Variants in METTL25 observed in about 807,000 individuals in gnomAD.
The protein encoded by METTL25 is probable methyltransferase-like protein 25.
Under a neutral mutation model 71.6 loss-of-function variants are expected in METTL25, and 64 were observed. The ratio of observed to expected loss-of-function variants is 0.89; its 90% CI spans 0.73 to 1.10. The LOEUF (loss-of-function observed/expected upper bound fraction) is 1.10, where lower values mean the gene tolerates loss of function less well. METTL25 is among the 50% of genes least tolerant of loss of function. METTL25 has a pLI of 0.00. For missense variants in METTL25, 807 were observed against 707.0 expected, an observed-to-expected ratio of 1.14 and a Z score of -1.60; for synonymous variants, 287 against 250.3, an observed-to-expected ratio of 1.15 and a Z score of -1.38.
intron 3 of METTL25, among the ~76,000 whole-genome samples, chr12:82,392,596 G>GT (rs1302681635): frequency 6.6e-6 from 1 of 151,952 alleles, no homozygotes; most frequent in Admixed American, 6.6e-5. Flanking sequence ...CACTCTGATT[G>GT]TTTACTTTGC....
intron 3 of METTL25, among the ~76,000 whole-genome samples, chr12:82,391,007 G>C (rs555373787): frequency 6.6e-6 from 1 of 152,148 alleles, no homozygotes; most frequent in South Asian, 2.1e-4. Flanking sequence ...AATGAACTCA[G>C]ACTTAAGGCA....
At chr12:82,406,357 T>G (rs1411323329) in intron 5 of METTL25, among the ~76,000 whole-genome samples, 2 of 152,192 alleles carry the variant, frequency 1.3e-5, no homozygotes, top group African/African-American at 4.8e-5. Flanking sequence ...TATATTGTTT[T>G]TTTATGTATC....
chr12:82,420,093 G>A (rs1888349321), intron 5 of METTL25, among the ~76,000 whole-genome samples: 1 of 152,136 alleles, frequency 6.6e-6, no homozygotes, highest in Non-Finnish European at 1.5e-5. Context: ...ATTATCTTAA[G>A]TGAATTAAGC....
intron 7 of METTL25, among the ~76,000 whole-genome samples, chr12:82,435,932 T>G (rs955811957): frequency 6.6e-6 from 1 of 151,450 alleles, no homozygotes; most frequent in Non-Finnish European, 1.5e-5. Context: ...CTATATAGTA[T>G]GTACTCTTAC....
intron 8 of METTL25, 38 bp downstream of exon 8, chr12:82,438,829 T>C (rs1172919818): frequency 2.0e-6 from 3 of 1,467,540 alleles, no homozygotes; most frequent in East Asian, 2.4e-5. Context: ...AACTATGTTA[T>C]ATTGTAAGTA....
At chr12:82,381,855 A>G (rs1038387858) in intron 1 of METTL25, among the ~76,000 whole-genome samples, 2 of 152,246 alleles carry the variant, frequency 1.3e-5, no homozygotes, top group Non-Finnish European at 2.9e-5. Flanking sequence ...AGCATTGTCT[A>G]TCAGAGTTTT....
chr12:82,363,841 C>T (rs953324354), intron 1 of METTL25, among the ~76,000 whole-genome samples: 2 of 151,626 alleles, frequency 1.3e-5, no homozygotes, highest in African/African-American at 2.4e-5. Context: ...TAGTGTGACC[C>T]GTATTTAGGA....
intron 5 of METTL25, among the ~76,000 whole-genome samples, chr12:82,406,852 G>C (rs2137042773): frequency 6.6e-6 from 1 of 152,226 alleles, no homozygotes; most frequent in Non-Finnish European, 1.5e-5. Flanking sequence ...ATTCAGTAGA[G>C]GTTAATCAGA....
intron 6 of METTL25, among the ~76,000 whole-genome samples, chr12:82,432,327 C>G (rs1306732163): frequency 6.6e-6 from 1 of 151,582 alleles, no homozygotes; most frequent in South Asian, 2.1e-4. Flanking sequence ...TTGTCTTGTT[C>G]TCTCACTCTC....
intron 6 of METTL25, among the ~76,000 whole-genome samples, chr12:82,431,798 A>G (rs1028744072): frequency 1.3e-5 from 2 of 151,700 alleles, no homozygotes; most frequent in South Asian, 2.1e-4. Context: ...ACCAAATATC[A>G]TAGCTTAACT....
chr12:82,431,031 T>A (rs1889452972), intron 6 of METTL25, 44 bp downstream of exon 6: 2 of 1,321,644 alleles, frequency 1.5e-6, no homozygotes, highest in Admixed American at 4.0e-5. Context: ...TATCCAGATG[T>A]TGTAGAATTT....
intron 9 of METTL25, among the ~76,000 whole-genome samples, chr12:82,467,465 G>A (rs73153569): frequency 0.06 from 9,105 of 152,084 alleles, 337 homozygotes; most frequent in Middle Eastern, 0.12. Flanking sequence ...GTCTAAGGGC[G>A]ATGAATTCTC....
At chr12:82,417,650 A>C (rs1888102452) in intron 5 of METTL25, among the ~76,000 whole-genome samples, 1 of 152,182 alleles carries the variant, frequency 6.6e-6, no homozygotes, top group Non-Finnish European at 1.5e-5. Flanking sequence ...TGTGCCAGAT[A>C]CTTTTGAATG....
chr12:82,470,647 T>C (rs1457644346), intron 9 of METTL25, among the ~76,000 whole-genome samples: 1 of 152,130 alleles, frequency 6.6e-6, no homozygotes, highest in African/African-American at 2.4e-5. Context: ...ATTGCAAGTA[T>C]TATAGTGTTT....
intron 9 of METTL25, among the ~76,000 whole-genome samples, chr12:82,464,310 A>G (rs910074750): frequency 6.6e-6 from 1 of 151,904 alleles, no homozygotes; most frequent in South Asian, 2.1e-4. Context: ...TGAGGTGTCT[A>G]GTTTAATTCC....
Position 82,399,003 on chromosome 12 carries a change from A to C in METTL25, c.740A>C (p.Lys247Thr). 1 of 1,609,164 alleles carries C rather than the reference A, an allele frequency of 6.2e-7. No homozygotes were observed. The highest frequency in any genetic ancestry group is 8.5e-7 in the Non-Finnish European group (1 of 1,177,892). The change falls in exon 4 of 12, where the codon AAA becomes ACA. Residue 247 changes from lysine to threonine, a missense_variant. Transcript: ENST00000248306. The stretch of plus-strand genomic sequence containing the variant: ...GCATTAAAAATGGCAAAAGAAAGGA[A>C]AGTGCAAAATAAAGTTAAAAATAAA... ...GLALKMAKER[K>T]VQNKVKNKAD...
At chr12:82,477,827 T>G (rs1176569530) in intron 11 of METTL25, among the ~76,000 whole-genome samples, 2 of 151,790 alleles carry the variant, frequency 1.3e-5, no homozygotes, top group Non-Finnish European at 3.0e-5. Flanking sequence ...ATGACAAAAA[T>G]ACTGTCTTTT....
At position 82,391,998 on chromosome 12, in the gene METTL25, T is replaced by C. The variant is rs181713292; in HGVS notation, c.531+2076T>C. On this transcript the variant is annotated intron_variant, in intron 3 of 11. Coordinates refer to ENST00000248306, the MANE Select transcript of METTL25 (RefSeq NM_032230.3). ...TGATGCTTAGTGATATTGGACATTT[T>C]TTCATATACCTGTTGGCCATTTGTA... Among the ~76,000 whole-genome samples the C allele has an allele frequency of 3.1e-3, 471 of 151,794 alleles. 1 individual carries two copies. The highest frequency in any genetic ancestry group is 0.01 in the Middle Eastern group (3 of 292).
chr12:82,369,885 C>A (rs1453044760), intron 1 of METTL25, among the ~76,000 whole-genome samples: 3 of 152,126 alleles, frequency 2.0e-5, no homozygotes, highest in Non-Finnish European at 4.4e-5. Flanking sequence ...TAGCTAGATA[C>A]AGAGTGCTGA....
Sources: allele counts gnomAD v4.1 joint callset (sites outside exome capture counted in the v4.1 genomes callset), GRCh38; gene constraint gnomAD v4.1.1; transcripts MANE v1.5; gene names NCBI Gene and HGNC (gene_info 2026-07-23, HGNC 2026-07-21).